The following KAZN variants were observed in gnomAD, a reference collection of about 807,000 sequenced individuals.
The protein encoded by KAZN is kazrin, periplakin interacting protein, also known as kazrin.
A neutral mutation model predicts 87.4 loss-of-function variants in KAZN; 40 were observed. The ratio of observed to expected loss-of-function variants is 0.46; its 90% confidence interval spans 0.36 to 0.60. The LOEUF (loss-of-function observed/expected upper bound fraction) is 0.60, where lower values mean the gene tolerates loss of function less well. Among genes scored for constraint, KAZN ranks in the 20% least tolerant of loss-of-function variants. The pLI is 0.00. For synonymous variants in KAZN, 466 were observed against 458.3 expected (o/e 1.02, Z -0.22); for missense variants, 898 against 1,073.9 (o/e 0.84, Z 2.29).
intron 1 of KAZN, among the ~76,000 whole-genome samples, chr1:14,645,855 C>G (rs537190628): frequency 6.6e-6 from 1 of 152,276 alleles, no homozygotes; most frequent in Admixed American, 6.5e-5. Context: ...CCAGCTTTTG[C>G]CCTCTCAGTA....
Position 14,820,948 on chromosome 1 carries a change from G to A in KAZN, c.227-139736G>A, listed in dbSNP as rs961434817. Among the ~76,000 whole-genome samples the A allele has an allele frequency of 3.3e-5, 5 of 152,204 alleles. No homozygotes were observed. Among genetic ancestry groups the A allele is most frequent in the African/African-American group, 4.8e-5 (2 of 41,452 alleles). On this transcript the variant is annotated intron_variant, in intron 1 of 14. Coordinates refer to ENST00000376030, the MANE Select transcript of KAZN (RefSeq NM_201628.3). This position sits in a 1 kb window ranked among gnomAD's most constrained non-coding sequence, Gnocchi z 4.1. ...GCACCGGGGATGGCAAGGGCTGGAC[G>A]CAGCAGGACCGTGGTCTGTTCTGTG...
At chr1:14,650,795 G>A (rs1638312095) in intron 1 of KAZN, among the ~76,000 whole-genome samples, 1 of 152,122 alleles carries the variant, frequency 6.6e-6, no homozygotes, top group African/African-American at 2.4e-5. Context: ...CTATAGGTAG[G>A]GTAGTGCTTG....
chr1:14,011,308 C>A (rs1207487604), intron 1 of KAZN, among the ~76,000 whole-genome samples: 1 of 152,212 alleles, frequency 6.6e-6, no homozygotes, highest in Non-Finnish European at 1.5e-5. Flanking sequence ...AGCTCCAGGT[C>A]TTCTTTCTGT....
At chr1:14,762,603 T>C (rs1053378990) in intron 1 of KAZN, among the ~76,000 whole-genome samples, 2 of 151,954 alleles carry the variant, frequency 1.3e-5, no homozygotes, top group Admixed American at 6.6e-5. Flanking sequence ...CAGGCGCCTG[T>C]AGTCCCAGCT....
At chr1:15,032,180 CT>C (rs376242671) in intron 2 of KAZN, among the ~76,000 whole-genome samples, 16,211 of 83,800 alleles carry the variant, frequency 0.19, 1,152 homozygotes, top group Admixed American at 0.24. Context: ...GTGGACATTT[CT>C]TTTTTTTTTT....
At chr1:14,560,624 A>T (rs1219789587) in intron 2 of KAZN, among the ~76,000 whole-genome samples, 1 of 152,158 alleles carries the variant, frequency 6.6e-6, no homozygotes, top group Non-Finnish European at 1.5e-5. Context: ...TGTTGTGAGG[A>T]TTTAGCAGGT....
intron 1 of KAZN, among the ~76,000 whole-genome samples, chr1:14,618,738 G>A (rs1678454365): frequency 6.6e-6 from 1 of 152,174 alleles, no homozygotes; most frequent in Non-Finnish European, 1.5e-5. Context: ...ACCAGCATGT[G>A]TCACTCTTTT....
intron 2 of KAZN, among the ~76,000 whole-genome samples, chr1:15,017,419 T>G (rs1670230784): frequency 6.6e-6 from 1 of 152,234 alleles, no homozygotes. Context: ...TAAGTCCTAT[T>G]TATCTTGTTC....
intron 2 of KAZN, among the ~76,000 whole-genome samples, chr1:14,569,216 T>C (rs745513658): frequency 6.6e-6 from 1 of 152,066 alleles, no homozygotes; most frequent in Non-Finnish European, 1.5e-5. Flanking sequence ...TGTTGGATAT[T>C]ATACAACAGA....
chr1:14,835,921 CTG>C (rs1325405216), intron 1 of KAZN, among the ~76,000 whole-genome samples: 2 of 151,808 alleles, frequency 1.3e-5, no homozygotes, highest in Non-Finnish European at 2.9e-5. Flanking sequence ...CCCAGTGAGA[CTG>C]AAAACAAAAG....
intron 2 of KAZN, among the ~76,000 whole-genome samples, chr1:14,205,883 T>TAAAAAAAAAAAAAAA (rs1557559689): frequency 1.8e-3 from 1 of 552 alleles, no homozygotes; most frequent in Non-Finnish European, 3.9e-3. Flanking sequence ...AGACACTGTC[T>TAAAAAAAAAAAAAAA]CAAAAAAAAA....
chr1:14,767,248 T>C (rs991106648), intron 1 of KAZN, among the ~76,000 whole-genome samples: 2 of 152,220 alleles, frequency 1.3e-5, no homozygotes, highest in African/African-American at 2.4e-5. Flanking sequence ...AGCAGCCTTC[T>C]TATCTGCCCA....
rs996660410 is a variant in KAZN at position 15,050,934 on chromosome 1, G to A, written c.727-5157G>A. On this transcript the variant is annotated intron_variant, in intron 4 of 14. Coordinates refer to ENST00000376030, the MANE Select transcript of KAZN (RefSeq NM_201628.3). Reference sequence around the variant, plus strand: ...CTCCCTGCTGGACCTGCTCCCACCCGTACCCCTGAGATCTGTGAAAGAGGG... The same window carrying A: ...CTCCCTGCTGGACCTGCTCCCACCCATACCCCTGAGATCTGTGAAAGAGGG... Among the ~76,000 whole-genome samples, 12 of 152,226 alleles carry A rather than the reference G, an allele frequency of 7.9e-5. 1 individual carries two copies. The East Asian group carries it at 9.7e-4, about 12-fold the overall frequency.
chr1:14,160,471 TG>T (rs1194280423), intron 1 of KAZN, among the ~76,000 whole-genome samples: 1 of 152,160 alleles, frequency 6.6e-6, no homozygotes, highest in African/African-American at 2.4e-5. Flanking sequence ...GGAGGGGGCT[TG>T]GGAGAGGAGT....
rs143288616 is a variant in KAZN at position 15,101,164 on chromosome 1, T to TTCTCTCTCTCTCTCTCTCTCTC, written c.1548-377_1548-356dup. ...CCTTTCTGTTCTTGAGTCTCGGTCT[T>TTCTCTCTCTCTCTCTCTCTCTC]TCTCTCTCTCTCTCTCTCTCTCTGC... On this transcript the variant is annotated intron_variant, in intron 10 of 14. Transcript: ENST00000376030. Among the ~76,000 whole-genome samples, 827 of 127,794 alleles carry TTCTCTCTCTCTCTCTCTCTCTC rather than the reference T, an allele frequency of 6.5e-3. 48 individuals are homozygous for TTCTCTCTCTCTCTCTCTCTCTC. The highest frequency in any genetic ancestry group is 0.012 in the Middle Eastern group (3 of 248). The allele number at this position is 127,794 out of a possible 152,430, so 83.8% of individuals were successfully genotyped here. A position where few individuals can be genotyped will look rare whatever the true frequency, so the allele number is the denominator to read the frequency against.
chr1:14,057,580 A>T (rs1367402367), intron 1 of KAZN, among the ~76,000 whole-genome samples: 3 of 152,226 alleles, frequency 2.0e-5, no homozygotes, highest in Admixed American at 2.0e-4. Flanking sequence ...TGATCTGGCC[A>T]ACCATTAAAG....
chr1:13,910,360 T>G (rs1012773407), intron 1 of KAZN, among the ~76,000 whole-genome samples: 5 of 151,652 alleles, frequency 3.3e-5, no homozygotes, highest in African/African-American at 1.2e-4. Flanking sequence ...TACAAAAAAT[T>G]AGCTGGGTGT....
intron 1 of KAZN, among the ~76,000 whole-genome samples, chr1:14,622,598 G>A (rs953020089): frequency 1.3e-5 from 2 of 151,740 alleles, no homozygotes; most frequent in African/African-American, 4.9e-5. Flanking sequence ...GGCTGAGGCA[G>A]GAGAATGGCA....
At chr1:13,903,463 G>A (rs2100844994) in intron 1 of KAZN, among the ~76,000 whole-genome samples, 1 of 152,312 alleles carries the variant, frequency 6.6e-6, no homozygotes, top group Middle Eastern at 3.4e-3. Context: ...GTGTGGCTAG[G>A]AGGGAGACTC....
Sources: gnomAD v4.1 joint callset for allele counts (sites outside exome capture counted in the v4.1 genomes callset) on GRCh38, gnomAD v4.1.1 for gene constraint, Gnocchi (gnomAD v3.1) non-coding constraint, MANE v1.5 for transcripts, NCBI Gene and HGNC (gene_info 2026-07-23, HGNC 2026-07-21) for gene names.